The following PRLR variants were observed in gnomAD, a reference collection of about 807,000 sequenced individuals.
PRLR encodes hPRL receptor.
A neutral mutation model predicts 40.2 loss-of-function variants in PRLR; 13 were observed. That is an observed-to-expected ratio of 0.32 (90% CI 0.21 to 0.51). The LOEUF (loss-of-function observed/expected upper bound fraction) is 0.51. Among genes scored for constraint, PRLR ranks in the 20% least tolerant of loss-of-function variants. The probability of loss-of-function intolerance (pLI) is 0.97; values close to 1 mark genes in which losing one functional copy is unlikely to be tolerated. For missense variants in PRLR, 656 were observed against 747.3 expected (o/e 0.88, Z 1.42); for synonymous variants, 269 against 278.7 (o/e 0.97, Z 0.35).
chr5:35,106,869 A>C (rs1772292383), intron 2 of PRLR, among the ~76,000 whole-genome samples: 1 of 152,324 alleles, frequency 6.6e-6, no homozygotes, highest in East Asian at 1.9e-4. Flanking sequence ...CTCTGCACCA[A>C]GTGGACCTAA....
At chr5:35,086,761 A>G (rs889312387) in intron 3 of PRLR, among the ~76,000 whole-genome samples, 1 of 152,122 alleles carries the variant, frequency 6.6e-6, no homozygotes, top group African/African-American at 2.4e-5. Context: ...TAAGGGAACC[A>G]TACAAAGAAT....
At chr5:35,077,700 G>A (rs904760796) in intron 5 of PRLR, among the ~76,000 whole-genome samples, 7 of 152,040 alleles carry the variant, frequency 4.6e-5, no homozygotes, top group African/African-American at 1.2e-4. Context: ...TGCACCAAGC[G>A]GACCTAATAG....
At chr5:35,049,488 A>C (rs1449204955) in intron 8 of PRLR, 4 of 649,676 alleles carry the variant, frequency 6.2e-6, no homozygotes, top group Non-Finnish European at 1.1e-5. Context: ...TTATTTAAAA[A>C]GAAAATAAAT....
chr5:35,197,127 A>G (rs1775758704), intron 1 of PRLR, among the ~76,000 whole-genome samples: 5 of 152,168 alleles, frequency 3.3e-5, no homozygotes, highest in Admixed American at 6.5e-5. Flanking sequence ...CCTGTCCCCA[A>G]CTTTTTTATT....
intron 5 of PRLR, among the ~76,000 whole-genome samples, chr5:35,082,157 C>T (rs1405035145): frequency 6.6e-6 from 1 of 152,092 alleles, no homozygotes; most frequent in Non-Finnish European, 1.5e-5. Flanking sequence ...TTAGGGAGAC[C>T]CACTTTGCCA....
rs1051475844 is a variant in PRLR, at chr5:35,064,003, C to T, written c.*1086G>A. 11 of 152,092 alleles carry T rather than the reference C, an allele frequency of 7.2e-5. No individual in the cohort carries two copies. Among genetic ancestry groups the T allele is most frequent in the African/African-American group, 2.2e-4 (9 of 41,396 alleles). 9.4% of individuals were successfully genotyped at this position (152,092 alleles called of 1,614,324 possible). Reference sequence around the variant, plus strand: ...CATTCACTTCATATTTCACAGTGGGCTTTGGGTTGGTATGGCATTTTACTC... The same window carrying T: ...CATTCACTTCATATTTCACAGTGGGTTTTGGGTTGGTATGGCATTTTACTC... On this transcript the variant is annotated 3_prime_UTR_variant, in exon 10 of 10. Coordinates refer to ENST00000618457, the MANE Select transcript of PRLR (RefSeq NM_000949.7).
chr5:35,125,427 A>C (rs1773426713), intron 1 of PRLR, among the ~76,000 whole-genome samples: 1 of 152,178 alleles, frequency 6.6e-6, no homozygotes, highest in Non-Finnish European at 1.5e-5. Context: ...TAATAATTTA[A>C]AGTGAACTGG....
Position 35,102,471 on chromosome 5 carries a change from G to A in PRLR, c.-43-12808C>T, listed in dbSNP as rs143745915. Among the ~76,000 whole-genome samples the A allele has an allele frequency of 6.9e-3, 976 of 141,662 alleles. 3 individuals carry two copies. The highest frequency in any genetic ancestry group is 0.012 in the Non-Finnish European group (760 of 65,162). 92.9% of individuals were successfully genotyped at this position (141,662 alleles called of 152,430 possible). On this transcript the variant is annotated intron_variant, in intron 2 of 9. Transcript: ENST00000618457. Reference sequence around the variant, plus strand: ...TTTCTTTCCTTTCCTGTCCCATCCCGTCCCGTCCCGTCCCGTCTCCTCTCC... The same window carrying A: ...TTTCTTTCCTTTCCTGTCCCATCCCATCCCGTCCCGTCCCGTCTCCTCTCC...
chr5:35,155,539 C>G (rs560766833), intron 1 of PRLR, among the ~76,000 whole-genome samples: 1 of 152,064 alleles, frequency 6.6e-6, no homozygotes, highest in South Asian at 2.1e-4. Flanking sequence ...CTTGTAAAAC[C>G]AAATATTTGT....
At position 35,212,557 on chromosome 5, in the gene PRLR, CT is replaced by C. The variant is rs1455879327; in HGVS notation, c.-106+17710del. ...ATAGTTTTCACAAATAGGGACTTCCCTTTTTTCCCCCCAGTGAAGTCCCCTG... is the reference window on the plus strand; with the variant it reads ...ATAGTTTTCACAAATAGGGACTTCCCTTTTTCCCCCCAGTGAAGTCCCCTG... On this transcript the variant is annotated intron_variant, in intron 1 of 9. Coordinates refer to ENST00000618457, the MANE Select transcript of PRLR (RefSeq NM_000949.7). 5.3e-5 allele frequency among the ~76,000 whole-genome samples: 8 copies of C among 152,234 alleles called. No homozygotes were observed. The East Asian group carries it at 7.7e-4, about 15-fold the overall frequency.
At chr5:35,192,629 G>T (rs1775637489) in intron 1 of PRLR, among the ~76,000 whole-genome samples, 1 of 152,158 alleles carries the variant, frequency 6.6e-6, no homozygotes, top group Non-Finnish European at 1.5e-5. Flanking sequence ...CCAAATGCTG[G>T]ATGTTGCCCT....
intron 1 of PRLR, among the ~76,000 whole-genome samples, chr5:35,174,313 C>T (rs1371693051): frequency 6.6e-6 from 1 of 152,176 alleles, no homozygotes; most frequent in African/African-American, 2.4e-5. Context: ...TGGTCTCGAA[C>T]TCCTGAGCTC....
In PRLR at chr5:35,060,588, T is replaced by G. The variant is rs1768977949; in HGVS notation, c.*4501A>C. Reference sequence around the variant, plus strand: ...ACCTGATGGCCAGAGTTTAAAAGACTCATCCCAGGACATAGTGCCTACTTA... The same window carrying G: ...ACCTGATGGCCAGAGTTTAAAAGACGCATCCCAGGACATAGTGCCTACTTA... On this transcript the variant is annotated 3_prime_UTR_variant, in exon 10 of 10. Transcript: ENST00000618457. 2.6e-5 allele frequency: 4 copies of G among 152,298 alleles called. No homozygotes were observed. In the South Asian group the frequency reaches 8.3e-4, roughly 32 times the overall value. The allele number at this position is 152,298 out of a possible 1,614,324, so 9.4% of individuals were successfully genotyped here.
At chr5:35,125,843 C>T (rs553342443) in intron 1 of PRLR, among the ~76,000 whole-genome samples, 21 of 152,278 alleles carry the variant, frequency 1.4e-4, no homozygotes, top group African/African-American at 2.2e-4. Flanking sequence ...TGTTAGCAGG[C>T]GATGGGTTTT....
intron 1 of PRLR, among the ~76,000 whole-genome samples, chr5:35,209,092 C>T (rs1776100268): frequency 1.3e-5 from 2 of 151,554 alleles, no homozygotes. Context: ...ACAATCTATT[C>T]CTGATTCTTT....
intron 1 of PRLR, among the ~76,000 whole-genome samples, chr5:35,131,376 TG>T (rs1270706352): frequency 1.3e-5 from 2 of 152,028 alleles, no homozygotes; most frequent in African/African-American, 4.8e-5. Context: ...AATGAGACAC[TG>T]GGGTTTTACT....
At chr5:35,126,068 G>A (rs1221116597) in intron 1 of PRLR, among the ~76,000 whole-genome samples, 1 of 152,150 alleles carries the variant, frequency 6.6e-6, no homozygotes, top group Non-Finnish European at 1.5e-5. Flanking sequence ...GCTGCACTTG[G>A]CAGAATGATA....
intron 1 of PRLR, among the ~76,000 whole-genome samples, chr5:35,216,689 T>C (rs186460673): frequency 5.3e-5 from 8 of 152,348 alleles, no homozygotes; most frequent in Admixed American, 1.3e-4. Flanking sequence ...AAAACTTTCA[T>C]TTCTTTAGGA....
chr5:35,049,066 T>A (rs746406288), exon 9 of PRLR: 26 of 656,472 alleles, frequency 4.0e-5, no homozygotes, highest in African/African-American at 8.9e-5. Flanking sequence ...ACATTCAATA[T>A]AATTGTCCCT....
Sources: allele counts gnomAD v4.1 joint callset (sites outside exome capture counted in the v4.1 genomes callset), GRCh38; gene constraint gnomAD v4.1.1; transcripts MANE v1.5; gene names NCBI Gene and HGNC (gene_info 2026-07-23, HGNC 2026-07-21).